The following TPO variants were observed in gnomAD, a reference collection of about 807,000 sequenced individuals.
The protein encoded by TPO is thyroid peroxidase, also known as thyroid microsomal antigen.
In TPO, 78 loss-of-function variants were observed where a neutral mutation model predicts 96.9. The ratio of observed to expected loss-of-function variants is 0.81; its 90% confidence interval spans 0.67 to 0.97. The LOEUF is 0.97. Ranked by LOEUF, TPO falls within the 50% of genes least tolerant of loss-of-function variation. The pLI is 0.00. For synonymous variants in TPO, 547 were observed against 538.0 expected (o/e 1.02, Z -0.23); for missense variants, 1,252 against 1,274.8 (o/e 0.98, Z 0.27).
intron 10 of TPO, among the ~76,000 whole-genome samples, chr2:1,491,683 A>T (rs1264514933): frequency 6.6e-6 from 1 of 152,256 alleles, no homozygotes; most frequent in African/African-American, 2.4e-5. Flanking sequence ...ATATAAACCA[A>T]GTGTCTACAG....
intron 14 of TPO, chr2:1,512,594 T>C: frequency 3.5e-6 from 2 of 567,452 alleles, no homozygotes; most frequent in Non-Finnish European, 4.5e-6. Context: ...GCAGAACACG[T>C]CTTCCCGCTG....
intron 14 of TPO, among the ~76,000 whole-genome samples, chr2:1,511,615 C>G (rs887623759): frequency 6.6e-6 from 1 of 152,216 alleles, no homozygotes; most frequent in African/African-American, 2.4e-5. Context: ...TTGGCTCCCC[C>G]TGAGGACTCA....
At chr2:1,386,382 A>G (rs1661895507) in intron 1 of TPO, among the ~76,000 whole-genome samples, 1 of 152,136 alleles carries the variant, frequency 6.6e-6, no homozygotes, top group Non-Finnish European at 1.5e-5. Flanking sequence ...GACTTGCTTT[A>G]TGAATCTGGG....
intron 2 of TPO, among the ~76,000 whole-genome samples, chr2:1,416,147 G>A (rs1279290160): frequency 1.3e-5 from 2 of 152,160 alleles, no homozygotes; most frequent in Admixed American, 1.3e-4. Flanking sequence ...TTAAAGCGGT[G>A]AATGCAGTAC....
intron 5 of TPO, among the ~76,000 whole-genome samples, chr2:1,450,123 C>T (rs969637778): frequency 6.6e-5 from 10 of 152,200 alleles, no homozygotes; most frequent in African/African-American, 1.9e-4. Context: ...AAGCTGACTT[C>T]GTCCACAGTT....
At chr2:1,465,640 A>G (rs1466151993) in intron 7 of TPO, among the ~76,000 whole-genome samples, 2 of 151,600 alleles carry the variant, frequency 1.3e-5, no homozygotes, top group Non-Finnish European at 2.9e-5. Flanking sequence ...ATTTCTAAGT[A>G]TTTTATTTTT....
intron 4 of TPO, among the ~76,000 whole-genome samples, chr2:1,433,972 C>T (rs1337183560): frequency 6.6e-6 from 1 of 152,172 alleles, no homozygotes; most frequent in Non-Finnish European, 1.5e-5. Context: ...GAAAGGACTT[C>T]ATGTGTGAGG....
At chr2:1,414,352 TC>T in intron 1 of TPO, 55 bp from the exon 2 acceptor site, 2 of 1,526,408 alleles carry the variant, frequency 1.3e-6, no homozygotes, top group Non-Finnish European at 1.8e-6. Flanking sequence ...ACACAGCGGT[TC>T]CCATGGCCTT....
intron 1 of TPO, among the ~76,000 whole-genome samples, chr2:1,403,603 T>A (rs1286323599): frequency 6.6e-6 from 1 of 152,112 alleles, no homozygotes; most frequent in Non-Finnish European, 1.5e-5. Flanking sequence ...CCCTCAGAGT[T>A]CTTTGGAACT....
At chr2:1,455,773 A>T (rs1667730973) in intron 6 of TPO, among the ~76,000 whole-genome samples, 1 of 152,190 alleles carries the variant, frequency 6.6e-6, no homozygotes, top group Non-Finnish European at 1.5e-5. Flanking sequence ...TCTTCACTTA[A>T]TCCCCACAAC....
intron 4 of TPO, among the ~76,000 whole-genome samples, chr2:1,435,068 G>A (rs1665425797): frequency 6.6e-6 from 1 of 152,034 alleles, no homozygotes; most frequent in Non-Finnish European, 1.5e-5. Flanking sequence ...TGAGTAACTG[G>A]GACTACAGGC....
chr2:1,541,342 C>A, intron 16 of TPO: 5 of 279,592 alleles, frequency 1.8e-5, no homozygotes, highest in Non-Finnish European at 2.8e-5. Context: ...TCGCATGTTT[C>A]AAAATTGCTA....
chr2:1,504,586 C>G (rs577429902), intron 14 of TPO, among the ~76,000 whole-genome samples: 2 of 152,240 alleles, frequency 1.3e-5, no homozygotes, highest in Non-Finnish European at 2.9e-5. Context: ...TGTCCAGTCC[C>G]CCAGCTCTGC....
upstream of TPO, among the ~76,000 whole-genome samples, chr2:1,409,771 T>A (rs1324428291): frequency 1.4e-5 from 2 of 143,952 alleles, no homozygotes; most frequent in Non-Finnish European, 3.0e-5. Context: ...CTTACAAATT[T>A]AAAAATACAA....
upstream of TPO, among the ~76,000 whole-genome samples, chr2:1,410,931 G>A (rs148481763): frequency 2.6e-4 from 39 of 152,002 alleles, no homozygotes; most frequent in Non-Finnish European, 5.0e-4. Context: ...TCCATTGCTG[G>A]GTGGCCACGT....
intron 1 of TPO, among the ~76,000 whole-genome samples, chr2:1,386,334 AT>A (rs1661894490): frequency 1.3e-5 from 2 of 151,956 alleles, no homozygotes; most frequent in South Asian, 2.1e-4. Context: ...TCCCATTATT[AT>A]TGTGTGGGAG....
chr2:1,486,870 C>T (rs1051157308), intron 9 of TPO, among the ~76,000 whole-genome samples: 3 of 152,176 alleles, frequency 2.0e-5, no homozygotes, highest in Non-Finnish European at 4.4e-5. Context: ...GAGTCATGCA[C>T]AGTGCACCAG....
chr2:1,522,282 ACCGGC>A (rs1675379222), intron 15 of TPO, among the ~76,000 whole-genome samples: 1 of 50,916 alleles, frequency 2.0e-5, no homozygotes, highest in Non-Finnish European at 4.0e-5. Context: ...TCTACCCCAC[ACCGGC>A]CCTGCCACCT....
intron 3 of TPO, among the ~76,000 whole-genome samples, chr2:1,427,796 T>C (rs531746942): frequency 6.6e-6 from 1 of 152,300 alleles, no homozygotes; most frequent in African/African-American, 2.4e-5. Context: ...CCTTTTAGCA[T>C]TCAGGGACCA....
Sources: allele counts gnomAD v4.1 joint callset (sites outside exome capture counted in the v4.1 genomes callset), GRCh38; gene constraint gnomAD v4.1.1; transcripts MANE v1.5; gene names NCBI Gene and HGNC (gene_info 2026-07-23, HGNC 2026-07-21).